The following FMNL3 variants were observed in gnomAD, a reference collection of about 807,000 sequenced individuals.
FMNL3 encodes formin-like protein 3.
A neutral mutation model predicts 119.6 loss-of-function variants in FMNL3; 57 were observed. The ratio of observed to expected loss-of-function variants is 0.48; its 90% CI spans 0.39 to 0.59. The LOEUF (loss-of-function observed/expected upper bound fraction) is 0.59, where lower values mean the gene tolerates loss of function less well. Among genes scored for constraint, FMNL3 ranks in the 20% least tolerant of loss-of-function variants. The pLI is 0.00. For missense variants in FMNL3, 1,053 were observed against 1,323.5 expected (o/e 0.80, Z 3.17); for synonymous variants, 491 against 507.3 (o/e 0.97, Z 0.43).
chr12:49,707,001 G>T (rs773669993), intron 1 of FMNL3, 54 bp downstream of exon 1: 71 of 1,541,458 alleles, frequency 4.6e-5, no homozygotes, highest in Middle Eastern at 1.7e-4. Context: ...CCCAGCCCGG[G>T]CGTCGGGACC....
Position 49,703,886 on chromosome 12 carries a change from C to G in FMNL3, c.126+3169G>C, listed in dbSNP as rs147771837. On this transcript the variant is annotated intron_variant, in intron 1 of 25. Transcript: ENST00000335154. ...GGGTTTTCCACAGACACACTTGGGG[C>G]TAAGGAAGCCCTCCAGCTTACAGCA... 2.5e-4 allele frequency among the ~76,000 whole-genome samples: 38 copies of G among 152,280 alleles called. 1 individual carries two copies. The East Asian group carries it at 7.3e-3, about 29-fold the overall frequency.
Position 49,637,391 on chromosome 12 carries a change from C to A in FMNL3, c.*8424G>T, listed in dbSNP as rs1941975369. 5.3e-6 allele frequency: 5 copies of A among 950,372 alleles called. No individual in the cohort carries two copies. The highest frequency in any genetic ancestry group is 1.4e-5 in the South Asian group (1 of 71,666). 58.9% of individuals were successfully genotyped at this position (950,372 alleles called of 1,614,324 possible). On this transcript the variant is annotated 3_prime_UTR_variant, in exon 26 of 26. Coordinates refer to ENST00000335154, the MANE Select transcript of FMNL3 (RefSeq NM_175736.5). ...TTGATTGTCCCTGCCTCTTCCTCTG[C>A]CATTCCCTCTCTTCCCCCTCAGTCT...
At position 49,637,467 on chromosome 12, in the gene FMNL3, C is replaced by G; in HGVS notation, c.*8348G>C. On this transcript the variant is annotated 3_prime_UTR_variant, in exon 26 of 26. Transcript: ENST00000335154. ...TCCCTATAACTGGCCTCTCCCTGCT[C>G]AGACCTTCCTGGACGAGCTGCATGA... 6.2e-7 allele frequency: 1 copy of G among 1,611,720 alleles called. No homozygotes were observed. The highest frequency in any genetic ancestry group is 8.5e-7 in the Non-Finnish European group (1 of 1,178,864).
chr12:49,702,286 A>G (rs1254578727), intron 1 of FMNL3, among the ~76,000 whole-genome samples: 2 of 152,210 alleles, frequency 1.3e-5, no homozygotes, highest in Non-Finnish European at 2.9e-5. Context: ...GCACTCCACC[A>G]TGGGTGACAG....
In FMNL3 at chr12:49,645,120, A is replaced by C. The variant is rs558755860; in HGVS notation, c.*695T>G. The C allele has an allele frequency of 1.3e-4, 20 of 151,836 alleles. No individual in the cohort carries two copies. Among genetic ancestry groups the C allele is most frequent in the African/African-American group, 4.6e-4 (19 of 41,406 alleles). The allele number at this position is 151,836 out of a possible 1,614,324, so 9.4% of individuals were successfully genotyped here. A position where few individuals can be genotyped will look rare whatever the true frequency, so the allele number is the denominator to read the frequency against. On this transcript the variant is annotated 3_prime_UTR_variant, in exon 26 of 26. Transcript: ENST00000335154. ...GTCCCCTGCCAAAAAAAAAAAAAAA[A>C]AAAAAAAAACCGTAGCTGAGGAAAG...
chr12:49,691,860 C>T (rs534310325), intron 1 of FMNL3, among the ~76,000 whole-genome samples: 3 of 151,728 alleles, frequency 2.0e-5, no homozygotes, highest in African/African-American at 7.3e-5. Flanking sequence ...ATGGTGAAAC[C>T]CCCATCTCTA....
At chr12:49,678,998 T>C (rs1944266740) in intron 1 of FMNL3, among the ~76,000 whole-genome samples, 1 of 152,114 alleles carries the variant, frequency 6.6e-6, no homozygotes, top group Non-Finnish European at 1.5e-5. Flanking sequence ...AGTAAGTAGG[T>C]GGCATAAGTA....
At position 49,649,866 on chromosome 12, in the gene FMNL3, G is replaced by C; in HGVS notation, c.2060C>G (p.Thr687Arg). 2 of 1,614,154 alleles carry C rather than the reference G, an allele frequency of 1.2e-6. No individual in the cohort carries two copies. Among genetic ancestry groups the C allele is most frequent in the Non-Finnish European group, 1.7e-6 (2 of 1,180,032 alleles). The change falls in exon 18 of 26, where the codon ACA becomes AGA. Residue 687 changes from threonine (T) to arginine (R), a missense_variant. Transcript: ENST00000335154. The surrounding 1 kb of genome is among the most constrained non-coding windows in gnomAD (Gnocchi z 5.6). Reference sequence around the variant, plus strand: ...CCGCAGCAGCTTTACCTCAGCCTCTGTGGGCAGGAAGCGCATCAGGCACTC... The same window carrying C: ...CCGCAGCAGCTTTACCTCAGCCTCTCTGGGCAGGAAGCGCATCAGGCACTC... ...FVECLMRFLP[T>R]EAEVKLLRQY...
intron 6 of FMNL3, among the ~76,000 whole-genome samples, chr12:49,657,895 C>T (rs974364671): frequency 1.3e-5 from 2 of 152,162 alleles, no homozygotes; most frequent in Non-Finnish European, 2.9e-5. Context: ...TCCAGTCCAT[C>T]CGCCTACCTC....
At chr12:49,680,937 C>T (rs1944319197) in intron 1 of FMNL3, among the ~76,000 whole-genome samples, 1 of 152,250 alleles carries the variant, frequency 6.6e-6, no homozygotes, top group African/African-American at 2.4e-5. Context: ...CATGTTCGCC[C>T]ATCTCCTTAC....
intron 1 of FMNL3, among the ~76,000 whole-genome samples, chr12:49,705,959 G>C (rs140926498): frequency 1.3e-5 from 2 of 152,124 alleles, no homozygotes; most frequent in South Asian, 2.1e-4. Context: ...AGGCTGCTAA[G>C]TCCACAACTT....
Position 49,643,806 on chromosome 12 carries a change from C to G in FMNL3, c.*2009G>C, listed in dbSNP as rs554507750. On this transcript the variant is annotated 3_prime_UTR_variant, in exon 26 of 26. Coordinates refer to ENST00000335154, the MANE Select transcript of FMNL3 (RefSeq NM_175736.5). ...CTGCTATTTTGTGAGTTCTGTTCTA[C>G]CTGCCTCCCAGGCTATCCACAGGAA... 2 of 1,613,718 alleles carry G rather than the reference C, an allele frequency of 1.2e-6. No homozygotes were observed. Among genetic ancestry groups the G allele is most frequent in the Non-Finnish European group, 1.7e-6 (2 of 1,179,908 alleles).
intron 1 of FMNL3, among the ~76,000 whole-genome samples, chr12:49,706,673 C>A (rs1427164049): frequency 6.6e-6 from 1 of 152,204 alleles, no homozygotes; most frequent in Non-Finnish European, 1.5e-5. Context: ...GCCGGCCGCG[C>A]TTCTGAATTC....
At chr12:49,687,150 G>A (rs1370670528) in intron 1 of FMNL3, among the ~76,000 whole-genome samples, 1 of 147,954 alleles carries the variant, frequency 6.8e-6, no homozygotes, top group African/African-American at 2.5e-5. Flanking sequence ...CTGGAGTGCA[G>A]TGGCGCGATC....
At chr12:49,704,128 A>G (rs1944981634) in intron 1 of FMNL3, among the ~76,000 whole-genome samples, 3 of 152,162 alleles carry the variant, frequency 2.0e-5, no homozygotes. Flanking sequence ...CAACAACCTC[A>G]TGTGGCAAAT....
rs916572085 is a variant in FMNL3, at chr12:49,644,197, A to G, written c.*1618T>C. The G allele has an allele frequency of 1.5e-5, 25 of 1,613,928 alleles. No individual in the cohort carries two copies. Among genetic ancestry groups the G allele is most frequent in the South Asian group, 4.4e-5 (4 of 91,092 alleles). On this transcript the variant is annotated 3_prime_UTR_variant, in exon 26 of 26. Coordinates refer to ENST00000335154, the MANE Select transcript of FMNL3 (RefSeq NM_175736.5). ...CAGCTGGATGATCACCAGTGACCCAATGAGCTGTTCTCTGCCTCGGGTCTG... is the reference window on the plus strand; with the variant it reads ...CAGCTGGATGATCACCAGTGACCCAGTGAGCTGTTCTCTGCCTCGGGTCTG...
intron 16 of FMNL3, 103 bp from the exon 17 acceptor site, chr12:49,650,981 T>C: frequency 2.7e-6 from 4 of 1,486,524 alleles, no homozygotes; most frequent in Non-Finnish European, 9.3e-7. Context: ...CACTCTGGAA[T>C]ATTTCCTGAA....
At chr12:49,648,381 T>A in intron 21 of FMNL3, 28 bp from the exon 22 acceptor site, 3 of 1,597,616 alleles carry the variant, frequency 1.9e-6, no homozygotes, top group Non-Finnish European at 2.6e-6. Flanking sequence ...GGCTGAGGAA[T>A]GCCTAGGGCC....
intron 2 of FMNL3, among the ~76,000 whole-genome samples, chr12:49,668,177 G>T (rs1466900065): frequency 6.6e-6 from 1 of 152,160 alleles, no homozygotes; most frequent in Non-Finnish European, 1.5e-5. Flanking sequence ...ACCGGGCATA[G>T]CCCTGAACCT....
Sources: allele counts gnomAD v4.1 joint callset (sites outside exome capture counted in the v4.1 genomes callset), GRCh38; gene constraint gnomAD v4.1.1; non-coding constraint Gnocchi (gnomAD v3.1); transcripts MANE v1.5; gene names NCBI Gene and HGNC (gene_info 2026-07-23, HGNC 2026-07-21).